Variants in ZNF492 observed in about 807,000 individuals in gnomAD.
The protein encoded by ZNF492 is zinc finger protein 492.
In ZNF492, 3 loss-of-function variants were observed where a neutral mutation model predicts 6.4. The observed-to-expected ratio is 0.47, with a 90% confidence interval of 0.21 to 1.22. The LOEUF is 1.22. ZNF492 is among the 50% of genes most tolerant of loss of function. ZNF492 has a pLI of 0.22. For missense variants in ZNF492, 356 were observed against 612.5 expected, an observed-to-expected ratio of 0.58 and a Z score of 4.42; for synonymous variants, 112 against 205.3, an observed-to-expected ratio of 0.55 and a Z score of 3.89.
intron 3 of ZNF492, among the ~76,000 whole-genome samples, chr19:22,662,436 T>C (rs1972068611): frequency 6.6e-6 from 1 of 152,266 alleles, no homozygotes; most frequent in Admixed American, 6.5e-5. Flanking sequence ...TATAATCCTT[T>C]GGGTATATAC....
chr19:22,641,395 G>A (rs539718386), intron 1 of ZNF492, among the ~76,000 whole-genome samples: 1 of 152,052 alleles, frequency 6.6e-6, no homozygotes, highest in Non-Finnish European at 1.5e-5. Context: ...TAATTTGCAT[G>A]TACTTGTATG....
intron 3 of ZNF492, among the ~76,000 whole-genome samples, chr19:22,659,667 GT>G (rs758637692): frequency 0.018 from 1,816 of 101,836 alleles, 65 homozygotes; most frequent in African/African-American, 0.052. Flanking sequence ...TTTTTTTGTT[GT>G]TTTTTTTTTT....
At chr19:22,645,457 C>T (rs1971868645) in intron 1 of ZNF492, among the ~76,000 whole-genome samples, 1 of 152,050 alleles carries the variant, frequency 6.6e-6, no homozygotes, top group Non-Finnish European at 1.5e-5. Flanking sequence ...AATTTTTCTC[C>T]TATTCTGTAG....
At chr19:22,656,882 C>G (rs527816163) in intron 3 of ZNF492, among the ~76,000 whole-genome samples, 1 of 152,226 alleles carries the variant, frequency 6.6e-6, no homozygotes, top group African/African-American at 2.4e-5. Context: ...TGGGTTCTTG[C>G]TACATAACCC....
intron 1 of ZNF492, among the ~76,000 whole-genome samples, chr19:22,635,045 A>C (rs567550037): frequency 7.2e-4 from 109 of 152,270 alleles, no homozygotes; most frequent in Admixed American, 1.2e-3. Context: ...AGGTATATTT[A>C]CGTAGTTTCT....
In ZNF492 at chr19:22,655,675, A is replaced by ATTT. The variant is rs201831166; in HGVS notation, c.130+1677_130+1679dup. Among the ~76,000 whole-genome samples the ATTT allele has an allele frequency of 1.4e-3, 154 of 109,428 alleles. 9 individuals are homozygous for ATTT. The highest frequency in any genetic ancestry group is 5.9e-3 in the African/African-American group (144 of 24,606). The allele number at this position is 109,428 out of a possible 152,430, so 71.8% of individuals were successfully genotyped here. On this transcript the variant is annotated intron_variant, in intron 3 of 3. Coordinates refer to ENST00000456783, the MANE Select transcript of ZNF492 (RefSeq NM_020855.3). ...ATTTGTCTTCAATTTCAGTGACTTA[A>ATTT]TTTTTTTTTTTTTTTTTTTACTTAT...
In ZNF492 at chr19:22,634,703, G is replaced by T. The variant is rs1243231813; in HGVS notation, c.-94+229G>T. Among the ~76,000 whole-genome samples the T allele has an allele frequency of 4.1e-4, 62 of 152,142 alleles. 1 individual carries two copies. Among genetic ancestry groups the T allele is most frequent in the Admixed American group, 4.1e-3 (62 of 15,278 alleles). ...CTTCCCTGCGCAGTGACGGTGCCCT[G>T]GCCTGGAGCCCTCTCTGGGCAGCTC... On this transcript the variant is annotated intron_variant, in intron 1 of 3. Coordinates refer to ENST00000456783, the MANE Select transcript of ZNF492 (RefSeq NM_020855.3).
chr19:22,662,154 A>T (rs1434015303), intron 3 of ZNF492, among the ~76,000 whole-genome samples: 1 of 151,946 alleles, frequency 6.6e-6, no homozygotes, highest in Non-Finnish European at 1.5e-5. Flanking sequence ...TCATTGCTCA[A>T]TTCCCACCTA....
intron 1 of ZNF492, among the ~76,000 whole-genome samples, chr19:22,651,554 T>G (rs535117534): frequency 2.0e-5 from 3 of 152,046 alleles, no homozygotes; most frequent in African/African-American, 7.2e-5. Flanking sequence ...AATATTTCTT[T>G]CCTACATACC....
intron 1 of ZNF492, among the ~76,000 whole-genome samples, chr19:22,651,695 A>C (rs768354439): frequency 6.6e-6 from 1 of 151,686 alleles, no homozygotes; most frequent in Non-Finnish European, 1.5e-5. Context: ...GTAGATACTC[A>C]AGATTCCTAT....
chr19:22,642,087 C>A (rs1971831525), intron 1 of ZNF492, among the ~76,000 whole-genome samples: 1 of 152,092 alleles, frequency 6.6e-6, no homozygotes. Context: ...GCCAGCGCGC[C>A]CGGCCACGCC....
chr19:22,648,465 C>T (rs1568353945), intron 1 of ZNF492, among the ~76,000 whole-genome samples: 2 of 152,212 alleles, frequency 1.3e-5, no homozygotes, highest in African/African-American at 2.4e-5. Flanking sequence ...ATTAGGTCCA[C>T]TTGATCCAGA....
At chr19:22,663,571 A>C (rs558864827) in intron 3 of ZNF492, among the ~76,000 whole-genome samples, 6 of 151,916 alleles carry the variant, frequency 3.9e-5, no homozygotes, top group Non-Finnish European at 8.8e-5. Flanking sequence ...CTTCTATGTG[A>C]CTCTTTGCAT....
At chr19:22,657,657 T>C (rs1972009944) in intron 3 of ZNF492, among the ~76,000 whole-genome samples, 1 of 152,038 alleles carries the variant, frequency 6.6e-6, no homozygotes, top group Non-Finnish European at 1.5e-5. Flanking sequence ...TTTATTATTA[T>C]TTTTTAGTTT....
chr19:22,663,240 A>G (rs62118624), intron 3 of ZNF492, among the ~76,000 whole-genome samples: 29,085 of 151,198 alleles, frequency 0.19, 3,600 homozygotes, highest in African/African-American at 0.36. Flanking sequence ...AAGATCAGAT[A>G]GTTGTAGATG....
At chr19:22,662,283 A>G (rs1021152826) in intron 3 of ZNF492, among the ~76,000 whole-genome samples, 10 of 152,198 alleles carry the variant, frequency 6.6e-5, no homozygotes, top group African/African-American at 9.7e-5. Flanking sequence ...TCATGAATGC[A>G]TAGTATTCTG....
At chr19:22,657,760 T>C (rs1171269976) in intron 3 of ZNF492, among the ~76,000 whole-genome samples, 1 of 152,194 alleles carries the variant, frequency 6.6e-6, no homozygotes, top group Non-Finnish European at 1.5e-5. Context: ...ATTCTGTTTT[T>C]ACATGTAAGT....
In ZNF492 at chr19:22,637,068, G is replaced by C. The variant is rs540724463; in HGVS notation, c.-94+2594G>C. On this transcript the variant is annotated intron_variant, in intron 1 of 3. Coordinates refer to ENST00000456783, the MANE Select transcript of ZNF492 (RefSeq NM_020855.3). ...CCTCCTGGGTTCAAGCAATTTTCTT[G>C]CCTCAGCCTCCCAAGTAGCTGGGAT... 1.2e-4 allele frequency among the ~76,000 whole-genome samples: 17 copies of C among 145,938 alleles called. No individual in the cohort carries two copies. In the East Asian group the frequency reaches 3.1e-3, roughly 26 times the overall value.
At chr19:22,640,155 T>C (rs1033829080) in intron 1 of ZNF492, among the ~76,000 whole-genome samples, 1 of 149,444 alleles carries the variant, frequency 6.7e-6, no homozygotes, top group African/African-American at 2.5e-5. Context: ...CATTTATTAA[T>C]TCATGTGTGA....
Sources: allele counts gnomAD v4.1 joint callset (sites outside exome capture counted in the v4.1 genomes callset), GRCh38; gene constraint gnomAD v4.1.1; transcripts MANE v1.5; gene names NCBI Gene and HGNC (gene_info 2026-07-23, HGNC 2026-07-21).